The following IL34 variants were observed in gnomAD, a reference collection of about 807,000 sequenced individuals.
IL34 encodes the protein interleukin 34.
A neutral mutation model predicts 25.3 loss-of-function variants in IL34; 17 were observed. The ratio of observed to expected loss-of-function variants is 0.67; its 90% CI spans 0.46 to 1.01. The LOEUF (loss-of-function observed/expected upper bound fraction) is 1.01. Ranked by LOEUF, IL34 falls within the 50% of genes least tolerant of loss-of-function variation. The probability of loss-of-function intolerance (pLI) is 0.00; values close to 1 mark genes in which losing one functional copy is unlikely to be tolerated. For synonymous variants in IL34, 174 were observed against 140.9 expected, an observed-to-expected ratio of 1.23 and a Z score of -1.66; for missense variants, 368 against 312.9, an observed-to-expected ratio of 1.18 and a Z score of -1.33.
At chr16:70,653,185 C>T (rs1026426067) in intron 1 of IL34, among the ~76,000 whole-genome samples, 17 of 151,602 alleles carry the variant, frequency 1.1e-4, no homozygotes, top group African/African-American at 4.1e-4. Flanking sequence ...TGTACTCTAG[C>T]CTGGGTGACA....
chr16:70,653,637 GCAATGAGCCATGAT>G lies in IL34; in HGVS notation c.29-899_29-886del, dbSNP rs376634487. ...CGCTTGAGTCTGGGAGTTCTAGGATGCAATGAGCCATGATCCCACTACTGCACTCCAGCCAGGGT... is the reference window on the plus strand; with the variant it reads ...CGCTTGAGTCTGGGAGTTCTAGGATGCCCACTACTGCACTCCAGCCAGGGT... On this transcript the variant is annotated intron_variant, in intron 1 of 5. Coordinates refer to ENST00000288098, the MANE Select transcript of IL34 (RefSeq NM_001393494.1). Among the ~76,000 whole-genome samples, 335 of 152,232 alleles carry G rather than the reference GCAATGAGCCATGAT, an allele frequency of 2.2e-3. 5 individuals are homozygous for G. The highest frequency in any genetic ancestry group is 7.4e-3 in the African/African-American group (306 of 41,546).
intron 1 of IL34, among the ~76,000 whole-genome samples, chr16:70,605,828 G>A (rs2050994321): frequency 6.6e-6 from 1 of 151,728 alleles, no homozygotes; most frequent in South Asian, 2.1e-4. Context: ...CCGTCACCAC[G>A]CCCACCTAAT....
At chr16:70,654,977 T>G (rs1392690794) in intron 2 of IL34, among the ~76,000 whole-genome samples, 2 of 152,188 alleles carry the variant, frequency 1.3e-5, no homozygotes, top group East Asian at 3.8e-4. Flanking sequence ...CAGGCACTTA[T>G]TAGCCAGGGA....
chr16:70,658,889 C>T (rs1458918665), intron 4 of IL34, among the ~76,000 whole-genome samples: 1 of 152,206 alleles, frequency 6.6e-6, no homozygotes, highest in Non-Finnish European at 1.5e-5. Flanking sequence ...TTCTAAGATC[C>T]TGAACTTAAT....
In IL34 at chr16:70,660,477, G is replaced by C. The variant is rs933107637; in HGVS notation, c.*290G>C. ...GCCCTCACTGTCCCCCCGCCTAAAG[G>C]GGGTACTGAGCCTCCTGTGGCCCGC... On this transcript the variant is annotated 3_prime_UTR_variant, in exon 6 of 6. Transcript: ENST00000288098. 3 of 336,068 alleles carry C rather than the reference G, an allele frequency of 8.9e-6. No individual in the cohort carries two copies. Among genetic ancestry groups the C allele is most frequent in the African/African-American group, 6.4e-5 (3 of 47,154 alleles). 20.8% of individuals were successfully genotyped at this position (336,068 alleles called of 1,614,324 possible). A position where few individuals can be genotyped will look rare whatever the true frequency, so the allele number is the denominator to read the frequency against.
intron 1 of IL34, among the ~76,000 whole-genome samples, chr16:70,623,808 TTAAAAGAGTATCA>T (rs2051330123): frequency 6.6e-6 from 1 of 150,756 alleles, no homozygotes; most frequent in Admixed American, 6.6e-5. Context: ...AAAGGAGTGC[TTAAAAGAGTATCA>T]TCTAAGTTGG....
chr16:70,656,388 A>G (rs1289470766), intron 2 of IL34, among the ~76,000 whole-genome samples: 1 of 152,186 alleles, frequency 6.6e-6, no homozygotes, highest in Non-Finnish European at 1.5e-5. Flanking sequence ...GCGTGGTGGC[A>G]CACACCTGTA....
rs754284931 is a variant in IL34 at position 70,654,689 on chromosome 16, A to G, written c.162+18A>G. ...AGTACATGGTAACCACGTGGGCACC[A>G]GCTGTGTCCCTGTCCCCGCGTCCCG... On this transcript the variant is annotated intron_variant, in intron 2 of 5. Transcript: ENST00000288098. The G allele has an allele frequency of 4.4e-6, 7 of 1,590,468 alleles. No individual in the cohort carries two copies. In the African/African-American group the frequency reaches 9.4e-5, roughly 21 times the overall value.
chr16:70,647,138 C>T (rs2051956206), intron 1 of IL34, among the ~76,000 whole-genome samples, 163 bp downstream of exon 1: 1 of 152,244 alleles, frequency 6.6e-6, no homozygotes, highest in South Asian at 2.1e-4. Context: ...CGCCGTCTGC[C>T]CTGTCTGCCG....
intron 1 of IL34, among the ~76,000 whole-genome samples, chr16:70,614,893 A>C (rs896030937): frequency 6.6e-6 from 1 of 152,236 alleles, no homozygotes; most frequent in African/African-American, 2.4e-5. Flanking sequence ...GATGAACTGC[A>C]ACTCCTCTGT....
chr16:70,607,267 A>G (rs8061705), intron 1 of IL34, among the ~76,000 whole-genome samples: 13,941 of 151,824 alleles, frequency 0.092, 789 homozygotes, highest in East Asian at 0.21. Context: ...ACACCCAGCT[A>G]ATTTTTTTGT....
chr16:70,622,878 G>A (rs62050280), intron 1 of IL34, among the ~76,000 whole-genome samples: 4,317 of 152,124 alleles, frequency 0.028, 123 homozygotes, highest in Non-Finnish European at 0.045. Context: ...AGCGGCACCC[G>A]CTGTATGCAG....
intron 1 of IL34, 109 bp downstream of exon 1, chr16:70,647,084 T>C (rs899193508): frequency 1.5e-4 from 149 of 1,011,144 alleles, no homozygotes; most frequent in Non-Finnish European, 1.8e-4. Flanking sequence ...GAAGTTGCGA[T>C]GCTTCCCAGC....
intron 1 of IL34, among the ~76,000 whole-genome samples, chr16:70,601,588 C>T (rs775944339): frequency 1.1e-4 from 17 of 152,134 alleles, no homozygotes; most frequent in East Asian, 1.9e-4. Context: ...TTAGTAGAGA[C>T]GGGGTTTTGC....
At chr16:70,602,709 A>G (rs1331699890) in intron 1 of IL34, among the ~76,000 whole-genome samples, 2 of 151,464 alleles carry the variant, frequency 1.3e-5, no homozygotes, top group Non-Finnish European at 2.9e-5. Flanking sequence ...TAATTAACTA[A>G]TTATTTAATT....
chr16:70,593,145 C>T (rs1380943723), intron 1 of IL34, among the ~76,000 whole-genome samples: 1 of 152,042 alleles, frequency 6.6e-6, no homozygotes, highest in Admixed American at 6.6e-5. Context: ...CATTTTTTAA[C>T]TGGGTTGTTT....
Position 70,654,599 on chromosome 16 carries a change from G to T in IL34, c.90G>T (p.Thr30=), listed in dbSNP as rs536254383. Residue 30 remains threonine (T), a synonymous_variant, in exon 2 of 6, where the codon ACG becomes ACT. Transcript: ENST00000288098. ...AGCCTTTGGAGATGTGGCCCTTGAC[G>T]CAGAATGAGGAGTGCACTGTCACGG... ...GNEPLEMWPL[T]QNEECTVTGF... is the part of the protein sequence containing the mutation. The T allele has an allele frequency of 1.5e-5, 24 of 1,613,648 alleles. No homozygotes were observed. In the South Asian group the frequency reaches 2.4e-4, roughly 16 times the overall value.
At chr16:70,659,571 G>GT (rs763997731) in intron 4 of IL34, 47 bp from the exon 5 acceptor site, 4 of 1,566,044 alleles carry the variant, frequency 2.6e-6, no homozygotes, top group Non-Finnish European at 2.6e-6. Flanking sequence ...CTCTCCTGGG[G>GT]TGCGGCCCCA....
chr16:70,618,438 G>A (rs2051209084), intron 1 of IL34, among the ~76,000 whole-genome samples: 1 of 152,198 alleles, frequency 6.6e-6, no homozygotes, highest in Non-Finnish European at 1.5e-5. Flanking sequence ...GAGCCGGGAA[G>A]CAGAAATTAT....
Sources: gnomAD v4.1 joint callset for allele counts (sites outside exome capture counted in the v4.1 genomes callset) on GRCh38, gnomAD v4.1.1 for gene constraint, MANE v1.5 for transcripts, NCBI Gene and HGNC (gene_info 2026-07-23, HGNC 2026-07-21) for gene names.